Variants in CCDC191 observed in about 807,000 individuals in gnomAD.
CCDC191 encodes the protein coiled-coil domain-containing protein 191.
Under a neutral mutation model 114.0 loss-of-function variants are expected in CCDC191, and 99 were observed. That is an observed-to-expected ratio of 0.87 (90% CI 0.74 to 1.03). The LOEUF (loss-of-function observed/expected upper bound fraction) is 1.03. Ranked by LOEUF, CCDC191 falls within the 50% of genes least tolerant of loss-of-function variation. The pLI is 0.00. For synonymous variants in CCDC191, 351 were observed against 376.0 expected, an observed-to-expected ratio of 0.93 and a Z score of 0.77; for missense variants, 973 against 1,087.0, an observed-to-expected ratio of 0.90 and a Z score of 1.47.
At chr3:113,976,859 A>G (rs757793800) in intron 16 of CCDC191, among the ~76,000 whole-genome samples, 12 of 152,178 alleles carry the variant, frequency 7.9e-5, no homozygotes, top group Non-Finnish European at 1.2e-4. Flanking sequence ...AAGCTAAATC[A>G]TTTATCCAAA....
intron 16 of CCDC191, among the ~76,000 whole-genome samples, chr3:113,971,647 G>A (rs1940832391): frequency 6.6e-6 from 1 of 151,996 alleles, no homozygotes; most frequent in Non-Finnish European, 1.5e-5. Flanking sequence ...TTCTTATCAT[G>A]TCCTTGTTTG....
chr3:113,996,782 A>G (rs950688574), intron 13 of CCDC191, among the ~76,000 whole-genome samples: 1 of 152,010 alleles, frequency 6.6e-6, no homozygotes, highest in African/African-American at 2.4e-5. Context: ...CAGAAAACCA[A>G]AAACTGCATG....
intron 4 of CCDC191, among the ~76,000 whole-genome samples, chr3:114,040,042 T>G (rs2076539900): frequency 6.6e-6 from 1 of 152,248 alleles, no homozygotes; most frequent in African/African-American, 2.4e-5. Flanking sequence ...AAACTCCATT[T>G]ATGGTATACC....
At chr3:114,036,848 TC>T (rs1489069743) in intron 4 of CCDC191, 62 bp from the exon 5 acceptor site, 50 of 1,097,442 alleles carry the variant, frequency 4.6e-5, no homozygotes, top group Middle Eastern at 3.1e-4. Flanking sequence ...AGTATTATAT[TC>T]ATATTTACAT....
At position 114,018,858 on chromosome 3, in the gene CCDC191, C is replaced by T. The variant is rs149867008; in HGVS notation, c.983G>A (p.Arg328Gln). ...TFKENQQCQK[R>Q]YFAAWHKLIL... ...CAGCTTGTGCCAGGCAGCGAAATAC[C>T]GTTTTTGACACTGCAGCGGAAATAT... The change falls in exon 8 of 17, where the codon CGG (arginine) becomes CAG (glutamine). Residue 328 changes from arginine (R) to glutamine (Q), a missense_variant. Arg to Gln is a conservative substitution (Grantham distance 43, BLOSUM62 1). Coordinates refer to ENST00000295878, the MANE Select transcript of CCDC191 (RefSeq NM_020817.2). The T allele has an allele frequency of 2.0e-5, 33 of 1,613,422 alleles. 1 individual carries two copies. The highest frequency in any genetic ancestry group is 6.7e-5 in the Admixed American group (4 of 59,932).
rs1420080438 is a variant in CCDC191, at chr3:114,005,898, G to T, written c.1478C>A (p.Pro493His). ...PLGSSGCMLS[P>H]PLGRTTTGNL... ...GCCTGTTGTTGTTCTTCCCAGGGGAGGACTGAGCATACAACCACTGCTTCC... is the reference window on the plus strand; with the variant it reads ...GCCTGTTGTTGTTCTTCCCAGGGGATGACTGAGCATACAACCACTGCTTCC... The change falls in exon 10 of 17, where the codon CCT becomes CAT. Residue 493 changes from proline to histidine, a missense_variant. Coordinates refer to ENST00000295878, the MANE Select transcript of CCDC191 (RefSeq NM_020817.2). The T allele has an allele frequency of 2.5e-6, 4 of 1,613,956 alleles. No individual in the cohort carries two copies. Among genetic ancestry groups the T allele is most frequent in the African/African-American group, 1.3e-5 (1 of 74,902 alleles).
chr3:114,032,364 A>G (rs1417186439), intron 6 of CCDC191, among the ~76,000 whole-genome samples: 1 of 152,218 alleles, frequency 6.6e-6, no homozygotes, highest in Non-Finnish European at 1.5e-5. Flanking sequence ...CTTTCTGAGC[A>G]TCCTCTTTTT....
At chr3:114,035,256 C>A (rs2076467311) in intron 5 of CCDC191, 108 bp from the exon 6 acceptor site, 1 of 747,846 alleles carries the variant, frequency 1.3e-6, no homozygotes. Context: ...TTGAAATATG[C>A]TGGCCCAGAA....
At chr3:114,014,735 A>G (rs1411910800) in intron 8 of CCDC191, among the ~76,000 whole-genome samples, 1 of 152,116 alleles carries the variant, frequency 6.6e-6, no homozygotes, top group Non-Finnish European at 1.5e-5. Flanking sequence ...TGGAGGTGGG[A>G]CCCATGAATT....
chr3:114,039,241 C>T (rs1344047705), intron 4 of CCDC191: 1 of 152,024 alleles, frequency 6.6e-6, no homozygotes, highest in African/African-American at 2.4e-5. Context: ...CACAGTGGCT[C>T]ACACCTGTAA....
rs146010906 is a variant in CCDC191 at position 114,018,817 on chromosome 3, T to C, written c.1024A>G (p.Ile342Val). 3 of 1,613,750 alleles carry C rather than the reference T, an allele frequency of 1.9e-6. No individual in the cohort carries two copies. The highest frequency in any genetic ancestry group is 2.5e-6 in the Non-Finnish European group (3 of 1,179,850). Reference sequence around the variant, plus strand: ...AGGGTCCCAGCTTTCCCCAGCTTAATCCTATGATCAAGAATCAGCTTGTGC... The same window carrying C: ...AGGGTCCCAGCTTTCCCCAGCTTAACCCTATGATCAAGAATCAGCTTGTGC... The part of the protein sequence containing the change: ...AWHKLILDHR[I>V]KLGKAGTLSD... The change falls in exon 8 of 17, where the codon ATT becomes GTT. Residue 342 changes from isoleucine (I) to valine (V), a missense_variant. Transcript: ENST00000295878.
At chr3:113,971,499 G>A (rs2107571212) in intron 16 of CCDC191, among the ~76,000 whole-genome samples, 1 of 152,274 alleles carries the variant, frequency 6.6e-6, no homozygotes, top group East Asian at 1.9e-4. Context: ...TGCATAAGTT[G>A]AACCATCCTT....
intron 13 of CCDC191, among the ~76,000 whole-genome samples, chr3:113,981,291 C>A (rs1228569217): frequency 6.6e-6 from 1 of 152,110 alleles, no homozygotes; most frequent in Non-Finnish European, 1.5e-5. Context: ...ATTAAGCTAC[C>A]TTCCCTCTTC....
chr3:114,004,722 A>G lies in CCDC191; in HGVS notation c.1893T>C (p.Thr631=), dbSNP rs1559900599. ...AATTTCGGGAGTCACTTCTGCCTTC[A>G]GTCCCAGGGGAAGCAACAGGTGAAC... ...LVNSPVASPG[T]EGRSDSRNSL... The change falls in exon 11 of 17, where the codon ACT becomes ACC. Residue 631 remains threonine, a synonymous_variant. Transcript: ENST00000295878. The G allele has an allele frequency of 6.2e-7, 1 of 1,611,656 alleles. No individual in the cohort carries two copies. Among genetic ancestry groups the G allele is most frequent in the Middle Eastern group, 1.7e-4 (1 of 5,748 alleles).
intron 4 of CCDC191, among the ~76,000 whole-genome samples, chr3:114,038,319 C>T (rs1202350825): frequency 6.6e-6 from 1 of 152,176 alleles, no homozygotes; most frequent in Non-Finnish European, 1.5e-5. Context: ...CAACAATGGA[C>T]TGCGTATATG....
intron 7 of CCDC191, among the ~76,000 whole-genome samples, chr3:114,024,475 A>C (rs2076290123): frequency 6.6e-6 from 1 of 152,246 alleles, no homozygotes; most frequent in Non-Finnish European, 1.5e-5. Context: ...GATAGACTGG[A>C]TTAAGAAAAT....
chr3:113,984,015 C>T (rs1471564089), intron 13 of CCDC191: 1 of 152,182 alleles, frequency 6.6e-6, no homozygotes, highest in Non-Finnish European at 1.5e-5. Context: ...GGACACTAAG[C>T]TGTAGCCATG....
chr3:114,002,607 T>C lies in CCDC191; in HGVS notation c.1979-69A>G, dbSNP rs142324707. On this transcript the variant is annotated intron_variant, in intron 11 of 16. Transcript: ENST00000295878. Reference sequence around the variant, plus strand: ...AATATGAGGAATACTGCAAGAGAAATGTCTCCATTTCATAGTAAAATTTAG... The same window carrying C: ...AATATGAGGAATACTGCAAGAGAAACGTCTCCATTTCATAGTAAAATTTAG... The C allele has an allele frequency of 7.6e-4, 1,038 of 1,365,302 alleles. 22 individuals carry two copies. In the East Asian group the frequency reaches 0.021, roughly 28 times the overall value. The allele number at this position is 1,365,302 out of a possible 1,614,324, so 84.6% of individuals were successfully genotyped here.
intron 11 of CCDC191, chr3:114,003,843 A>G (rs973225425): frequency 1.7e-5 from 17 of 985,456 alleles, no homozygotes; most frequent in Non-Finnish European, 1.8e-5. Context: ...ACAAACCACA[A>G]TATAATTGTC....
Sources: gnomAD v4.1 joint callset for allele counts (sites outside exome capture counted in the v4.1 genomes callset) on GRCh38, gnomAD v4.1.1 for gene constraint, MANE v1.5 for transcripts, NCBI Gene and HGNC (gene_info 2026-07-23, HGNC 2026-07-21) for gene names.